The following FMN1 variants were observed in gnomAD, a reference collection of about 807,000 sequenced individuals.
FMN1 encodes formin 1.
Under a neutral mutation model 132.4 loss-of-function variants are expected in FMN1, and 110 were observed. That is an observed-to-expected ratio of 0.83 (90% confidence interval 0.71 to 0.97). FMN1 has a LOEUF of 0.97. Ranked by LOEUF, FMN1 falls within the 50% of genes least tolerant of loss-of-function variation. FMN1 has a pLI of 0.00. For missense variants in FMN1, 1,792 were observed against 1,705.3 expected, an observed-to-expected ratio of 1.05 and a Z score of -0.90; for synonymous variants, 722 against 651.7, an observed-to-expected ratio of 1.11 and a Z score of -1.64.
intron 16 of FMN1, 69 bp from the exon 17 acceptor site, chr15:32,857,176 C>T: frequency 8.5e-7 from 1 of 1,176,124 alleles, no homozygotes. Context: ...GGGCCAGGTA[C>T]TGTGCTATGC....
intron 16 of FMN1, among the ~76,000 whole-genome samples, chr15:32,883,580 G>C (rs1239610047): frequency 7.6e-6 from 1 of 132,388 alleles, no homozygotes; most frequent in Non-Finnish European, 1.6e-5. Flanking sequence ...ATGTGGCCTT[G>C]TTTCTGCTAA....
intron 4 of FMN1, among the ~76,000 whole-genome samples, chr15:33,128,882 G>A (rs1361624311): frequency 1.3e-5 from 2 of 151,544 alleles, no homozygotes; most frequent in East Asian, 1.9e-4. Context: ...TGCGTGGCCA[G>A]CTTTTATTCC....
intron 5 of FMN1, chr15:33,067,883 A>G (rs377232742): frequency 6.2e-7 from 1 of 1,605,884 alleles, no homozygotes; most frequent in Non-Finnish European, 8.5e-7. Flanking sequence ...AACGTTCTCC[A>G]TGTCTCAGTA....
At position 32,769,570 on chromosome 15, in the gene FMN1, T is replaced by G. The variant is rs1567136610; in HGVS notation, c.*4740A>C. 2 of 152,252 alleles carry G rather than the reference T, an allele frequency of 1.3e-5. No individual in the cohort carries two copies. The highest frequency in any genetic ancestry group is 2.9e-5 in the Non-Finnish European group (2 of 68,042). 9.4% of individuals were successfully genotyped at this position (152,252 alleles called of 1,614,324 possible). A position where few individuals can be genotyped will look rare whatever the true frequency, so the allele number is the denominator to read the frequency against. On this transcript the variant is annotated 3_prime_UTR_variant, in exon 21 of 21. Transcript: ENST00000616417. ...AGAAAGATATGCTAAGTCAAGTATTTGAAGATGCTTTTCTTTAAGCCACTT... is the reference window on the plus strand; with the variant it reads ...AGAAAGATATGCTAAGTCAAGTATTGGAAGATGCTTTTCTTTAAGCCACTT...
intron 5 of FMN1, among the ~76,000 whole-genome samples, chr15:33,069,993 C>CTCTTTTTTTTTTTTTTTTT (rs398026774): frequency 1.3e-5 from 1 of 74,292 alleles, no homozygotes; most frequent in African/African-American, 5.3e-5. Context: ...CAGTCTTTCT[C>CTCTTTTTTTTTTTTTTTTT]TTTTTTTTTT....
intron 3 of FMN1, among the ~76,000 whole-genome samples, chr15:33,158,691 T>C (rs555153467): frequency 1.1e-4 from 16 of 152,300 alleles, no homozygotes; most frequent in African/African-American, 3.6e-4. Flanking sequence ...CCAGGATCCA[T>C]AGGAGCCAAT....
intron 9 of FMN1, among the ~76,000 whole-genome samples, chr15:32,960,141 G>C (rs535882456): frequency 4.6e-5 from 7 of 152,198 alleles, no homozygotes; most frequent in African/African-American, 1.7e-4. Context: ...ATGTAAATCA[G>C]CTGACCTTTT....
chr15:33,101,285 A>T (rs994094333), intron 4 of FMN1, among the ~76,000 whole-genome samples: 3 of 152,074 alleles, frequency 2.0e-5, no homozygotes, highest in African/African-American at 7.2e-5. Flanking sequence ...ATACTGGAGG[A>T]GGTTGGCGAT....
In FMN1 at chr15:32,836,800, T is replaced by C. The variant is rs549194652; in HGVS notation, c.3928+20215A>G. ...GTTTCCAAAGCTGAACGTGCTCACT[T>C]GGAGCCCAGTTTTCTGCTTCAAATA... On this transcript the variant is annotated intron_variant, in intron 17 of 20. Coordinates refer to ENST00000616417, the MANE Select transcript of FMN1 (RefSeq NM_001277313.2). 7.9e-5 allele frequency among the ~76,000 whole-genome samples: 12 copies of C among 152,332 alleles called. No homozygotes were observed. In the South Asian group the frequency reaches 2.3e-3, roughly 29 times the overall value.
chr15:32,870,055 AAGTGCT>A (rs2059479755), intron 16 of FMN1, among the ~76,000 whole-genome samples: 1 of 152,222 alleles, frequency 6.6e-6, no homozygotes, highest in Admixed American at 6.5e-5. Context: ...TTTCCTGGTC[AAGTGCT>A]AAAGATCAAA....
chr15:32,873,909 C>T (rs2059576612), intron 16 of FMN1, among the ~76,000 whole-genome samples: 1 of 151,802 alleles, frequency 6.6e-6, no homozygotes. Context: ...TATGACTCAG[C>T]AAAACCGCTC....
intron 6 of FMN1, among the ~76,000 whole-genome samples, chr15:33,039,963 G>A (rs555973199): frequency 5.3e-5 from 8 of 152,220 alleles, no homozygotes; most frequent in Admixed American, 3.9e-4. Flanking sequence ...GAGTCTTACA[G>A]TGTTATTCCC....
At chr15:33,116,195 G>A (rs1479741700) in intron 4 of FMN1, among the ~76,000 whole-genome samples, 1 of 152,160 alleles carries the variant, frequency 6.6e-6, no homozygotes, top group African/African-American at 2.4e-5. Context: ...AGATGTAAAC[G>A]TAGACTAACT....
intron 17 of FMN1, among the ~76,000 whole-genome samples, chr15:32,809,184 G>C (rs2057785692): frequency 6.6e-6 from 1 of 152,094 alleles, no homozygotes; most frequent in Admixed American, 6.6e-5. Context: ...TCTTTGACCT[G>C]ATTAACTGGA....
At chr15:32,995,712 T>A (rs940323533) in intron 7 of FMN1, among the ~76,000 whole-genome samples, 3 of 152,228 alleles carry the variant, frequency 2.0e-5, no homozygotes, top group African/African-American at 7.2e-5. Flanking sequence ...CCAAGTTATG[T>A]ACATGAAATT....
At chr15:33,125,208 G>A (rs1478238020) in intron 4 of FMN1, among the ~76,000 whole-genome samples, 5 of 151,462 alleles carry the variant, frequency 3.3e-5, no homozygotes, top group African/African-American at 9.7e-5. Context: ...GCTTAAGAAG[G>A]TCACCTAATT....
intron 5 of FMN1, among the ~76,000 whole-genome samples, chr15:33,072,333 C>G (rs2038030956): frequency 6.6e-6 from 1 of 152,140 alleles, no homozygotes; most frequent in Non-Finnish European, 1.5e-5. Context: ...AGTGGATTCC[C>G]AGAGCCTCCT....
rs112144457 is a variant in FMN1 at position 32,949,408 on chromosome 15, A to AACT, written c.3138+14696_3138+14698dup. On this transcript the variant is annotated intron_variant, in intron 9 of 20. Coordinates refer to ENST00000616417, the MANE Select transcript of FMN1 (RefSeq NM_001277313.2). ...GCCACCAATAAGACGGCACACCTAC[A>AACT]ACTATCTGACCTTTGACAAACTTGA... Among the ~76,000 whole-genome samples the AACT allele has an allele frequency of 8.4e-3, 1,272 of 152,260 alleles. 23 individuals are homozygous for AACT. The highest frequency in any genetic ancestry group is 0.029 in the African/African-American group (1,210 of 41,546).
At chr15:32,832,692 C>A (rs574831565) in intron 17 of FMN1, among the ~76,000 whole-genome samples, 1 of 152,058 alleles carries the variant, frequency 6.6e-6, no homozygotes, top group Non-Finnish European at 1.5e-5. Context: ...GCAGGGGAAT[C>A]GCTTGAACCC....
Sources: allele counts gnomAD v4.1 joint callset (sites outside exome capture counted in the v4.1 genomes callset), GRCh38; gene constraint gnomAD v4.1.1; transcripts MANE v1.5; gene names NCBI Gene and HGNC (gene_info 2026-07-23, HGNC 2026-07-21).